The following LARP4 variants were observed in gnomAD, a reference collection of about 807,000 sequenced individuals.
LARP4 encodes the protein la-related protein 4.
Under a neutral mutation model 92.9 loss-of-function variants are expected in LARP4, and 29 were observed. The ratio of observed to expected loss-of-function variants is 0.31; its 90% CI spans 0.23 to 0.43. The LOEUF is 0.43. Among genes scored for constraint, LARP4 ranks in the 20% least tolerant of loss-of-function variants. LARP4 has a pLI of 1.00. For synonymous variants in LARP4, 279 were observed against 284.1 expected, an observed-to-expected ratio of 0.98 and a Z score of 0.18; for missense variants, 732 against 860.0, an observed-to-expected ratio of 0.85 and a Z score of 1.86.
intron 8 of LARP4, among the ~76,000 whole-genome samples, chr12:50,449,135 C>A (rs1004680107): frequency 6.6e-6 from 1 of 151,926 alleles, no homozygotes; most frequent in South Asian, 2.1e-4. Context: ...CCCAGCTACT[C>A]GGGAGGCTGA....
chr12:50,438,873 A>G (rs1462872712), intron 6 of LARP4, among the ~76,000 whole-genome samples: 3 of 152,196 alleles, frequency 2.0e-5, no homozygotes, highest in African/African-American at 4.8e-5. Context: ...GGTGATATAC[A>G]TTAAAGAAGA....
At chr12:50,474,207 T>C (rs768501850) in intron 15 of LARP4, 40 bp downstream of exon 15, 21 of 1,473,770 alleles carry the variant, frequency 1.4e-5, no homozygotes, top group Non-Finnish European at 1.8e-5. Context: ...AAAAATACAA[T>C]AGATTAGATT....
In LARP4 at chr12:50,436,463, T is replaced by A. The variant is rs116250490; in HGVS notation, c.535+839T>A. On this transcript the variant is annotated intron_variant, in intron 5 of 15. Transcript: ENST00000398473. ...TTTAAGACAATCTCTTTCAAGTTTT[T>A]AAACCCAAATAAGAAGTACATTTTT... 8.0e-3 allele frequency among the ~76,000 whole-genome samples: 1,215 copies of A among 152,304 alleles called. 15 individuals are homozygous for A. Among genetic ancestry groups the A allele is most frequent in the African/African-American group, 0.028 (1,161 of 41,558 alleles).
intron 1 of LARP4, among the ~76,000 whole-genome samples, chr12:50,427,505 C>T (rs1326185290): frequency 6.6e-6 from 1 of 151,998 alleles, no homozygotes. Flanking sequence ...GAATTACAGG[C>T]GTGAGCCATT....
chr12:50,454,345 G>A lies in LARP4; in HGVS notation c.1049G>A (p.Gly350Asp). 6.2e-7 allele frequency: 1 copy of A among 1,612,964 alleles called. No individual in the cohort carries two copies. Among genetic ancestry groups the A allele is most frequent in the Non-Finnish European group, 8.5e-7 (1 of 1,179,638 alleles). The change falls in exon 10 of 16, where the codon GGC (glycine) becomes GAC (aspartate). Residue 350 changes from glycine (G) to aspartate (D), a missense_variant. By Grantham distance (94) the Gly-to-Asp change is moderately conservative. This residue lies in a region of LARP4 where 264 missense variants were observed against 269.5 expected (regional missense o/e 0.98). Coordinates refer to ENST00000398473, the MANE Select transcript of LARP4 (RefSeq NM_052879.5). ...TTTCCCAATGGTAGTTTTGTGAATG[G>A]CTTTAATTCGCCAGGATCTTATAAA... The part of the protein sequence containing the change: ...APFPNGSFVN[G>D]FNSPGSYKTN...
At chr12:50,431,780 A>G (rs530283279) in intron 4 of LARP4, among the ~76,000 whole-genome samples, 1 of 152,300 alleles carries the variant, frequency 6.6e-6, no homozygotes, top group South Asian at 2.1e-4. Context: ...GGGGAGGTAG[A>G]GATTGCAGTG....
intron 4 of LARP4, among the ~76,000 whole-genome samples, chr12:50,434,504 C>T (rs1950137706): frequency 6.6e-6 from 1 of 150,458 alleles, no homozygotes; most frequent in Non-Finnish European, 1.5e-5. Flanking sequence ...TTGCAATCTC[C>T]GCCTCCCAGG....
At chr12:50,403,116 A>G (rs1469114971) in intron 1 of LARP4, among the ~76,000 whole-genome samples, 1 of 152,214 alleles carries the variant, frequency 6.6e-6, no homozygotes, top group East Asian at 1.9e-4. Flanking sequence ...TCAAGTGTAA[A>G]TAATGTGGGG....
rs149898610 is a variant in LARP4, at chr12:50,450,177, G to A, written c.805-3283G>A. ...CTTGATCTGACCTCGTGATCCGCCC[G>A]CCTCAGCCTCCCAAAGTGCTGGGAT... On this transcript the variant is annotated intron_variant, in intron 8 of 15. Coordinates refer to ENST00000398473, the MANE Select transcript of LARP4 (RefSeq NM_052879.5). 2.1e-4 allele frequency among the ~76,000 whole-genome samples: 32 copies of A among 152,086 alleles called. 1 individual carries two copies. In the East Asian group the frequency reaches 5.4e-3, roughly 26 times the overall value.
At chr12:50,437,574 C>A (rs958974737) in intron 5 of LARP4, among the ~76,000 whole-genome samples, 161 bp from the exon 6 acceptor site, 2 of 152,174 alleles carry the variant, frequency 1.3e-5, no homozygotes, top group Non-Finnish European at 2.9e-5. Flanking sequence ...AAAAAATTGT[C>A]ATACCTATAA....
At chr12:50,432,832 A>G (rs1375652947) in intron 4 of LARP4, among the ~76,000 whole-genome samples, 1 of 140,016 alleles carries the variant, frequency 7.1e-6, no homozygotes, top group Non-Finnish European at 1.5e-5. Flanking sequence ...TGCACTCCAG[A>G]CTGGGGAATA....
intron 8 of LARP4, among the ~76,000 whole-genome samples, chr12:50,450,253 A>T (rs1952950913): frequency 1.3e-5 from 2 of 151,892 alleles, no homozygotes; most frequent in African/African-American, 4.8e-5. Context: ...TTTACTGGTT[A>T]CCTTGCTGTG....
intron 2 of LARP4, among the ~76,000 whole-genome samples, chr12:50,428,727 G>A (rs1949190315): frequency 6.6e-6 from 1 of 152,062 alleles, no homozygotes; most frequent in South Asian, 2.1e-4. Flanking sequence ...TGCTATATAC[G>A]TTTTAGCAAT....
intron 3 of LARP4, 38 bp downstream of exon 3, chr12:50,429,128 G>T: frequency 6.8e-7 from 1 of 1,475,094 alleles, no homozygotes; most frequent in African/African-American, 1.4e-5. Context: ...TGAGAATTCA[G>T]TACAGGACAC....
At position 50,453,651 on chromosome 12, in the gene LARP4, A is replaced by T. The variant is rs755279106; in HGVS notation, c.996A>T (p.Thr332=). Residue 332 remains threonine (T), a synonymous_variant, in exon 9 of 16, where the codon ACA becomes ACT. Coordinates refer to ENST00000398473, the MANE Select transcript of LARP4 (RefSeq NM_052879.5). ...IVPQSWSPNP[T]PYFETPLAPF... ...CTCAGTCTTGGTCTCCAAATCCTAC[A>T]CCTTACTTTGAAACACCACTGGTAA... The T allele has an allele frequency of 2.5e-6, 4 of 1,604,850 alleles. No homozygotes were observed. The highest frequency in any genetic ancestry group is 3.4e-6 in the Non-Finnish European group (4 of 1,173,146).
At position 50,436,101 on chromosome 12, in the gene LARP4, GGT is replaced by G. The variant is rs141076360; in HGVS notation, c.535+495_535+496del. 1.8e-3 allele frequency among the ~76,000 whole-genome samples: 245 copies of G among 134,962 alleles called. 2 individuals carry two copies. Among genetic ancestry groups the G allele is most frequent in the African/African-American group, 2.1e-3 (70 of 33,920 alleles). The allele number at this position is 134,962 out of a possible 152,430, so 88.5% of individuals were successfully genotyped here. Reference sequence around the variant, plus strand: ...TGTGTGTGTGTGTGTGTATCCCGCTGGTGTGTGTGTGTGTGTGTGATATGTGT... The same window carrying G: ...TGTGTGTGTGTGTGTGTATCCCGCTGGTGTGTGTGTGTGTGTGATATGTGT... On this transcript the variant is annotated intron_variant, in intron 5 of 15. Coordinates refer to ENST00000398473, the MANE Select transcript of LARP4 (RefSeq NM_052879.5).
chr12:50,455,413 C>G (rs569387112), intron 10 of LARP4, among the ~76,000 whole-genome samples: 1 of 152,076 alleles, frequency 6.6e-6, no homozygotes, highest in Admixed American at 6.6e-5. Flanking sequence ...ATAGTCATTT[C>G]GATTTATTTA....
At chr12:50,412,364 A>G (rs1490269908) in intron 1 of LARP4, 1 of 870,364 alleles carries the variant, frequency 1.1e-6, no homozygotes, top group Non-Finnish European at 1.4e-6. Flanking sequence ...ATGGGGCAAA[A>G]TACATTTAAT....
Position 50,478,243 on chromosome 12 carries a change from G to A in LARP4, c.*2379G>A, listed in dbSNP as rs1957666239. On this transcript the variant is annotated 3_prime_UTR_variant, in exon 16 of 16. Transcript: ENST00000398473. ...TAACCTTTAAAAATTTTCTCATTAA[G>A]ACAATGTTTTTAATTTAATTTGCCT... 2 of 151,994 alleles carry A rather than the reference G, an allele frequency of 1.3e-5. No individual in the cohort carries two copies. Among genetic ancestry groups the A allele is most frequent in the Admixed American group, 6.6e-5 (1 of 15,258 alleles). 9.4% of individuals were successfully genotyped at this position (151,994 alleles called of 1,614,324 possible). A position where few individuals can be genotyped will look rare whatever the true frequency, so the allele number is the denominator to read the frequency against.
Sources: allele counts gnomAD v4.1 joint callset (sites outside exome capture counted in the v4.1 genomes callset), GRCh38; gene constraint gnomAD v4.1.1; regional missense constraint gnomAD v4.1.1; transcripts MANE v1.5; gene names NCBI Gene and HGNC (gene_info 2026-07-23, HGNC 2026-07-21).